JAKMIP2: variants seen among roughly 807,000 people sequenced by gnomAD.
JAKMIP2 encodes janus kinase and microtubule interacting protein 2.
Under a neutral mutation model 115.0 loss-of-function variants are expected in JAKMIP2, and 25 were observed. The ratio of observed to expected loss-of-function variants is 0.22; its 90% CI spans 0.16 to 0.30. The LOEUF (loss-of-function observed/expected upper bound fraction) is 0.30. JAKMIP2 is among the 10% of genes least tolerant of loss of function. JAKMIP2 has a pLI of 1.00. For missense variants in JAKMIP2, 642 were observed against 957.6 expected (o/e 0.67, Z 4.35); for synonymous variants, 334 against 343.6 (o/e 0.97, Z 0.31).
At chr5:147,646,114 G>C (rs1758120792) in intron 5 of JAKMIP2, among the ~76,000 whole-genome samples, 1 of 152,148 alleles carries the variant, frequency 6.6e-6, no homozygotes, top group African/African-American at 2.4e-5. Flanking sequence ...TACTGTTCTT[G>C]AGATTCTAAG....
chr5:147,678,026 AC>A (rs963083269), intron 1 of JAKMIP2, among the ~76,000 whole-genome samples: 1 of 151,910 alleles, frequency 6.6e-6, no homozygotes, highest in African/African-American at 2.4e-5. Context: ...TTTGTTTGAG[AC>A]GGAGTCTTGC....
At chr5:147,755,510 A>G (rs1381215546) in intron 1 of JAKMIP2, among the ~76,000 whole-genome samples, 1 of 152,192 alleles carries the variant, frequency 6.6e-6, no homozygotes, top group Non-Finnish European at 1.5e-5. Context: ...GTTCAGACAT[A>G]ATAGCAACAC....
At chr5:147,642,576 A>G (rs1757930608) in intron 7 of JAKMIP2, among the ~76,000 whole-genome samples, 1 of 152,158 alleles carries the variant, frequency 6.6e-6, no homozygotes, top group African/African-American at 2.4e-5. Flanking sequence ...ATGAATTTGT[A>G]AAATGTATGA....
chr5:147,619,929 G>A (rs1255923224), intron 18 of JAKMIP2, among the ~76,000 whole-genome samples: 2 of 152,128 alleles, frequency 1.3e-5, no homozygotes. Context: ...TGTTGTAAGA[G>A]ATAAATGAAT....
chr5:147,611,976 T>C (rs1756350894), intron 20 of JAKMIP2, among the ~76,000 whole-genome samples: 1 of 151,782 alleles, frequency 6.6e-6, no homozygotes, highest in South Asian at 2.1e-4. Flanking sequence ...TGCTAAAAGA[T>C]TTTTTTAAAA....
intron 2 of JAKMIP2, among the ~76,000 whole-genome samples, chr5:147,670,369 T>C (rs981245461): frequency 6.6e-6 from 1 of 152,222 alleles, no homozygotes; most frequent in Non-Finnish European, 1.5e-5. Flanking sequence ...AAGAATGTTT[T>C]CTTACTGTAT....
In JAKMIP2 at chr5:147,640,781, T is replaced by C. The variant is rs199747312; in HGVS notation, c.1324A>G (p.Met442Val). ...DPFIGYDEDS[M>V]DSETSSMASF... Reference sequence around the variant, plus strand: ...GCCATGGATGATGTCTCTGAATCCATAGAGTCCTCATCATAGCCAATAAAC... The same window carrying C: ...GCCATGGATGATGTCTCTGAATCCACAGAGTCCTCATCATAGCCAATAAAC... The change falls in exon 9 of 22, where the codon ATG (methionine) becomes GTG (valine). Residue 442 changes from methionine (M) to valine (V), a missense_variant. Met to Val is a conservative substitution (Grantham distance 21, BLOSUM62 1). Around this residue, in one of 6 missense-constraint regions of JAKMIP2, gnomAD observed 439 missense variants for 570.9 expected, o/e 0.77. Coordinates refer to ENST00000616793, the MANE Select transcript of JAKMIP2 (RefSeq NM_001270941.2). The C allele has an allele frequency of 1.2e-4, 196 of 1,613,318 alleles. No homozygotes were observed. The highest frequency in any genetic ancestry group is 8.3e-5 in the Non-Finnish European group (98 of 1,179,546).
At chr5:147,696,192 G>T (rs1752099970) in intron 1 of JAKMIP2, among the ~76,000 whole-genome samples, 1 of 152,152 alleles carries the variant, frequency 6.6e-6, no homozygotes, top group South Asian at 2.1e-4. Context: ...TTCAGGAGAT[G>T]CCATTCATGT....
intron 2 of JAKMIP2, among the ~76,000 whole-genome samples, chr5:147,663,968 C>A (rs950611831): frequency 1.4e-4 from 22 of 152,180 alleles, no homozygotes; most frequent in African/African-American, 5.3e-4. Flanking sequence ...AAAATATACT[C>A]TGGATTTCGA....
chr5:147,659,597 A>G (rs2126776158), intron 3 of JAKMIP2, among the ~76,000 whole-genome samples: 1 of 152,288 alleles, frequency 6.6e-6, no homozygotes. Context: ...ATACTTATAG[A>G]TTTTATATTG....
chr5:147,715,274 C>T (rs1053189012), intron 1 of JAKMIP2, among the ~76,000 whole-genome samples: 1 of 151,740 alleles, frequency 6.6e-6, no homozygotes, highest in Non-Finnish European at 1.5e-5. Flanking sequence ...AGACAAAAAA[C>T]ATAATGAGGT....
At chr5:147,778,102 G>GA (rs925041628) in intron 1 of JAKMIP2, among the ~76,000 whole-genome samples, 2 of 151,722 alleles carry the variant, frequency 1.3e-5, no homozygotes, top group Non-Finnish European at 2.9e-5. Flanking sequence ...CCTAAACACG[G>GA]AAAAAAATGG....
At chr5:147,737,669 T>C (rs918204047) in intron 1 of JAKMIP2, among the ~76,000 whole-genome samples, 10 of 152,224 alleles carry the variant, frequency 6.6e-5, no homozygotes, top group African/African-American at 2.4e-4. Flanking sequence ...AAGTGTCTTA[T>C]TGAGTGCAAT....
At chr5:147,596,878 T>A (rs1193947828) in intron 21 of JAKMIP2, among the ~76,000 whole-genome samples, 1 of 152,036 alleles carries the variant, frequency 6.6e-6, no homozygotes, top group Non-Finnish European at 1.5e-5. Context: ...AATACTTTAT[T>A]TTTTTGGTGG....
intron 1 of JAKMIP2, among the ~76,000 whole-genome samples, chr5:147,699,005 C>T (rs1366321867): frequency 1.3e-5 from 2 of 152,156 alleles, no homozygotes; most frequent in Non-Finnish European, 2.9e-5. Context: ...AAGATTTGGC[C>T]ATATAAGATC....
intron 1 of JAKMIP2, among the ~76,000 whole-genome samples, chr5:147,750,542 C>A (rs988819565): frequency 4.2e-5 from 6 of 141,494 alleles, no homozygotes; most frequent in Non-Finnish European, 7.8e-5. Flanking sequence ...AGGAAGATAT[C>A]ACTCATGGTG....
chr5:147,752,256 G>A (rs1754585898), intron 1 of JAKMIP2, among the ~76,000 whole-genome samples: 1 of 152,184 alleles, frequency 6.6e-6, no homozygotes, highest in Non-Finnish European at 1.5e-5. Flanking sequence ...TCTGGATGAA[G>A]TATGGAGTGC....
chr5:147,781,870 A>G (rs1755770148), intron 1 of JAKMIP2, among the ~76,000 whole-genome samples: 1 of 152,244 alleles, frequency 6.6e-6, no homozygotes, highest in African/African-American at 2.4e-5. Flanking sequence ...CTGTATATCC[A>G]TAAGATATAC....
At chr5:147,768,341 G>A (rs1049090764) in intron 1 of JAKMIP2, among the ~76,000 whole-genome samples, 3 of 152,008 alleles carry the variant, frequency 2.0e-5, no homozygotes, top group Non-Finnish European at 4.4e-5. Context: ...CTACACATAC[G>A]CCTAACTTAG....
Sources: allele counts gnomAD v4.1 joint callset (sites outside exome capture counted in the v4.1 genomes callset), GRCh38; gene constraint gnomAD v4.1.1; regional missense constraint gnomAD v4.1.1; transcripts MANE v1.5; gene names NCBI Gene and HGNC (gene_info 2026-07-23, HGNC 2026-07-21).